RNGTT: variants seen among roughly 807,000 people sequenced by gnomAD.
RNGTT encodes the protein mRNA-capping enzyme.
Under a neutral mutation model 79.3 loss-of-function variants are expected in RNGTT, and 33 were observed. The ratio of observed to expected loss-of-function variants is 0.42; its 90% CI spans 0.32 to 0.56. The LOEUF is 0.56. Among genes scored for constraint, RNGTT ranks in the 20% least tolerant of loss-of-function variants. The pLI, the probability that RNGTT is intolerant of heterozygous loss-of-function variation, is 0.17. For missense variants in RNGTT, 497 were observed against 739.1 expected (o/e 0.67, Z 3.80); for synonymous variants, 222 against 235.9 (o/e 0.94, Z 0.54).
At chr6:88,697,115 T>G (rs914929647) in intron 13 of RNGTT, among the ~76,000 whole-genome samples, 6 of 152,140 alleles carry the variant, frequency 3.9e-5, no homozygotes, top group African/African-American at 1.4e-4. Context: ...CATAGAACTC[T>G]CTACAAAATG....
intron 3 of RNGTT, 26 bp from the exon 4 acceptor site, chr6:88,929,099 G>A: frequency 6.3e-7 from 1 of 1,587,364 alleles, no homozygotes; most frequent in Non-Finnish European, 8.6e-7. Context: ...AAGTTTTTTT[G>A]AAAAAAGAGA....
intron 13 of RNGTT, among the ~76,000 whole-genome samples, chr6:88,753,475 GC>G: frequency 6.6e-6 from 1 of 151,526 alleles, no homozygotes; most frequent in East Asian, 1.9e-4. Context: ...CTGCACTCTA[GC>G]CTAGGCAACA....
At chr6:88,714,076 T>G (rs2127808870) in intron 13 of RNGTT, among the ~76,000 whole-genome samples, 1 of 152,334 alleles carries the variant, frequency 6.6e-6, no homozygotes, top group Non-Finnish European at 1.5e-5. Context: ...ATGACTTTTC[T>G]TGATTTCCTC....
At chr6:88,818,334 G>A (rs1435799352) in intron 11 of RNGTT, among the ~76,000 whole-genome samples, 1 of 152,030 alleles carries the variant, frequency 6.6e-6, no homozygotes, top group Non-Finnish European at 1.5e-5. Context: ...TGTAATCCCA[G>A]CACTTTGGGA....
chr6:88,856,824 C>T (rs1198098527), intron 8 of RNGTT, among the ~76,000 whole-genome samples: 2 of 152,116 alleles, frequency 1.3e-5, no homozygotes, highest in Non-Finnish European at 2.9e-5. Flanking sequence ...CAGCCAGATT[C>T]TTTAAAAAGA....
intron 13 of RNGTT, among the ~76,000 whole-genome samples, chr6:88,744,524 T>C (rs1365318728): frequency 6.6e-6 from 1 of 152,164 alleles, no homozygotes; most frequent in Non-Finnish European, 1.5e-5. Flanking sequence ...CCTCTCAAAG[T>C]GCTGGTATAA....
At chr6:88,728,140 T>A (rs1327399252) in intron 13 of RNGTT, among the ~76,000 whole-genome samples, 1 of 152,182 alleles carries the variant, frequency 6.6e-6, no homozygotes, top group Non-Finnish European at 1.5e-5. Flanking sequence ...AAAATTTAAC[T>A]CTCTCTCTTT....
chr6:88,736,532 A>C (rs1013376384), intron 13 of RNGTT, among the ~76,000 whole-genome samples: 5 of 152,216 alleles, frequency 3.3e-5, no homozygotes, highest in African/African-American at 1.2e-4. Context: ...ACCTAAACAA[A>C]GTATTAAAAG....
chr6:88,712,852 A>G (rs1331361447), intron 13 of RNGTT, among the ~76,000 whole-genome samples: 1 of 152,180 alleles, frequency 6.6e-6, no homozygotes, highest in East Asian at 1.9e-4. Flanking sequence ...GAAAAAGAAA[A>G]ATCACAAAAG....
intron 13 of RNGTT, among the ~76,000 whole-genome samples, chr6:88,690,771 G>C (rs1379606415): frequency 6.6e-6 from 1 of 152,066 alleles, no homozygotes; most frequent in East Asian, 1.9e-4. Context: ...ACTGAAAGAA[G>C]CCACTGAGTA....
chr6:88,757,862 CTT>C (rs1778072189), intron 13 of RNGTT, among the ~76,000 whole-genome samples: 1 of 152,162 alleles, frequency 6.6e-6, no homozygotes, highest in African/African-American at 2.4e-5. Flanking sequence ...ATTCTAAACT[CTT>C]TGAAATTTTC....
At chr6:88,639,806 T>A (rs1287591359) in intron 14 of RNGTT, among the ~76,000 whole-genome samples, 1 of 152,242 alleles carries the variant, frequency 6.6e-6, no homozygotes, top group Non-Finnish European at 1.5e-5. Context: ...CCAGGTACTG[T>A]TCTAAGTACC....
intron 13 of RNGTT, among the ~76,000 whole-genome samples, chr6:88,705,898 A>G (rs935054495): frequency 6.6e-6 from 1 of 152,090 alleles, no homozygotes; most frequent in South Asian, 2.1e-4. Flanking sequence ...TTGATATGTA[A>G]AAGAGCCTCT....
intron 2 of RNGTT, among the ~76,000 whole-genome samples, chr6:88,931,480 CT>C (rs1784512013): frequency 6.6e-6 from 1 of 152,050 alleles, no homozygotes; most frequent in Non-Finnish European, 1.5e-5. Flanking sequence ...TGATACCAAC[CT>C]TTTTTTGTGG....
At chr6:88,675,595 T>C (rs1774839366) in intron 14 of RNGTT, among the ~76,000 whole-genome samples, 1 of 152,098 alleles carries the variant, frequency 6.6e-6, no homozygotes, top group Non-Finnish European at 1.5e-5. Context: ...GAACTGTCCT[T>C]ATTAGTAGAG....
At chr6:88,899,753 T>A (rs1177753639) in intron 6 of RNGTT, among the ~76,000 whole-genome samples, 1 of 152,144 alleles carries the variant, frequency 6.6e-6, no homozygotes, top group African/African-American at 2.4e-5. Flanking sequence ...TCTAGTACTC[T>A]CCTCTAGAGG....
intron 14 of RNGTT, among the ~76,000 whole-genome samples, chr6:88,661,266 A>G (rs183962624): frequency 6.6e-6 from 1 of 152,328 alleles, no homozygotes; most frequent in East Asian, 1.9e-4. Flanking sequence ...AAACTAGAGA[A>G]ACAACAACAA....
Position 88,844,424 on chromosome 6 carries a change from A to G in RNGTT, c.1202T>C (p.Ile401Thr). 6.2e-7 allele frequency: 1 copy of G among 1,614,124 alleles called. No individual in the cohort carries two copies. Among genetic ancestry groups the G allele is most frequent in the East Asian group, 2.2e-5 (1 of 44,872 alleles). Residue 401 changes from isoleucine (I) to threonine (T), a missense_variant, in exon 11 of 16, where the codon ATT (isoleucine) becomes ACT (threonine). Ile to Thr is a moderately conservative substitution (Grantham distance 89, BLOSUM62 -1). Coordinates refer to ENST00000369485, the MANE Select transcript of RNGTT (RefSeq NM_003800.5). ...GCTAAATGGTTCCTGTGTTTTGTCA[A>G]TGAGCCCAGTCTTCATTTTTTCGTG... ...PRHEKMKTGLIDKTQEPFSVR... is the reference protein window; with the variant it reads ...PRHEKMKTGLTDKTQEPFSVR...
intron 13 of RNGTT, among the ~76,000 whole-genome samples, chr6:88,692,363 T>C (rs1775512804): frequency 6.6e-6 from 1 of 151,956 alleles, no homozygotes; most frequent in South Asian, 2.1e-4. Flanking sequence ...TTATTCATAA[T>C]AGCCAAAAAT....
Sources: gnomAD v4.1 joint callset for allele counts (sites outside exome capture counted in the v4.1 genomes callset) on GRCh38, gnomAD v4.1.1 for gene constraint, MANE v1.5 for transcripts, NCBI Gene and HGNC (gene_info 2026-07-23, HGNC 2026-07-21) for gene names.